The following OR10J1 variants were observed in gnomAD, a reference collection of about 807,000 sequenced individuals.
OR10J1 encodes olfactory receptor 10J1.
For missense variants in OR10J1, 474 were observed against 376.6 expected (o/e 1.26, Z -2.14); for synonymous variants, 202 against 143.8 (o/e 1.40, Z -2.89).
At chr1:159,421,700 T>C in the OR10J1 span, among the ~76,000 whole-genome samples, 5 of 152,110 alleles carry the variant, frequency 3.3e-5, no homozygotes, top group Non-Finnish European at 7.3e-5. Context: ...GCTTATGGTG[T>C]AGTAGTTAGT....
At chr1:159,412,117 A>G in the OR10J1 span, among the ~76,000 whole-genome samples, 15,783 of 151,108 alleles carry the variant, frequency 0.1, 1,057 homozygotes, top group East Asian at 0.22. Flanking sequence ...ATACTTAGGA[A>G]GCCATCTTAC....
the OR10J1 span, among the ~76,000 whole-genome samples, chr1:159,411,572 T>C: frequency 6.6e-6 from 1 of 152,102 alleles, no homozygotes; most frequent in Non-Finnish European, 1.5e-5. Flanking sequence ...TCCATCCTTT[T>C]ATTTTGAGCC....
chr1:159,411,799 G>A, the OR10J1 span, among the ~76,000 whole-genome samples: 11 of 152,092 alleles, frequency 7.2e-5, no homozygotes, highest in Admixed American at 4.6e-4. Context: ...AGCCTCGATG[G>A]TCTTTACATT....
Position 159,440,164 on chromosome 1 carries a change from G to A in OR10J1, c.373G>A (p.Ala125Thr). 1 of 1,614,116 alleles carries A rather than the reference G, an allele frequency of 6.2e-7. No homozygotes were observed. The highest frequency in any genetic ancestry group is 1.1e-5 in the South Asian group (1 of 91,070). Residue 125 changes from alanine (A) to threonine (T), a missense_variant, in exon 1 of 1, where the codon GCC becomes ACC. Physicochemically the swap from Ala to Thr is moderately conservative, Grantham distance 58. Transcript: ENST00000423932. The stretch of plus-strand genomic sequence containing the variant: ...AGCAATGGGATATGACCGCTATGTG[G>A]CCATCTGCAACCCCCTGAGATACAT... Reference protein sequence around the residue: ...LTAMGYDRYVAICNPLRYMVI... With the variant: ...LTAMGYDRYVTICNPLRYMVI...
the OR10J1 span, among the ~76,000 whole-genome samples, chr1:159,411,689 C>T: frequency 0.37 from 56,369 of 151,728 alleles, 11,022 homozygotes; most frequent in African/African-American, 0.5. Context: ...GAGCATTTAG[C>T]CCATTTACAT....
the OR10J1 span, among the ~76,000 whole-genome samples, chr1:159,407,026 G>A: frequency 2.6e-5 from 4 of 152,124 alleles, no homozygotes; most frequent in African/African-American, 9.6e-5. Flanking sequence ...TTTTCCAGTT[G>A]TTACCATAAC....
chr1:159,423,985 G>A, the OR10J1 span, among the ~76,000 whole-genome samples: 60 of 152,262 alleles, frequency 3.9e-4, no homozygotes, highest in African/African-American at 1.3e-3. Flanking sequence ...GGGAGGCTGA[G>A]GCGAGTGGGT....
the OR10J1 span, among the ~76,000 whole-genome samples, chr1:159,422,859 A>T: frequency 3.3e-5 from 5 of 152,290 alleles, no homozygotes; most frequent in South Asian, 6.2e-4. Flanking sequence ...CTTTCCCCAC[A>T]TTAGGGAACC....
the OR10J1 span, among the ~76,000 whole-genome samples, chr1:159,410,088 G>T: frequency 1.3e-5 from 2 of 152,098 alleles, no homozygotes; most frequent in African/African-American, 4.8e-5. Context: ...TGTGTTGCTG[G>T]ATTCATTTTG....
chr1:159,406,716 A>T, the OR10J1 span, among the ~76,000 whole-genome samples: 3 of 152,284 alleles, frequency 2.0e-5, no homozygotes, highest in East Asian at 5.8e-4. Flanking sequence ...CAGGCACTTC[A>T]GCTTCCTCTA....
upstream of OR10J1, chr1:159,437,959 C>A (rs1655786928): frequency 6.6e-6 from 1 of 152,440 alleles, no homozygotes; most frequent in Non-Finnish European, 1.5e-5. Context: ...TCCATTGTGG[C>A]CAAGGGAGCC....
chr1:159,400,483 T>C, the OR10J1 span, among the ~76,000 whole-genome samples: 2 of 151,222 alleles, frequency 1.3e-5, no homozygotes, highest in African/African-American at 2.4e-5. Context: ...ACAAAGAGTG[T>C]CACTATATAA....
At chr1:159,409,089 G>A in the OR10J1 span, among the ~76,000 whole-genome samples, 1 of 152,014 alleles carries the variant, frequency 6.6e-6, no homozygotes, top group Admixed American at 6.6e-5. Flanking sequence ...AGCCTATATT[G>A]CTCTGTGCAC....
the OR10J1 span, among the ~76,000 whole-genome samples, chr1:159,420,511 CA>C: frequency 6.6e-6 from 1 of 151,986 alleles, no homozygotes; most frequent in African/African-American, 2.4e-5. Flanking sequence ...TTTACATTTT[CA>C]TGTATTTTAG....
At chr1:159,432,251 T>G in the OR10J1 span, 2 of 400,792 alleles carry the variant, frequency 5.0e-6, no homozygotes, top group African/African-American at 4.1e-5. Context: ...CATTTGAGGG[T>G]TTCTCCATTT....
chr1:159,419,553 C>G, the OR10J1 span, among the ~76,000 whole-genome samples: 1 of 152,150 alleles, frequency 6.6e-6, no homozygotes, highest in Admixed American at 6.5e-5. Flanking sequence ...TTATAAATTA[C>G]CCAGTCTCAG....
the OR10J1 span, among the ~76,000 whole-genome samples, chr1:159,410,070 C>A: frequency 6.6e-6 from 1 of 152,068 alleles, no homozygotes; most frequent in Non-Finnish European, 1.5e-5. Context: ...GGTGGATAAG[C>A]TTTTTGATGT....
chr1:159,403,915 G>A, the OR10J1 span, among the ~76,000 whole-genome samples: 1 of 152,118 alleles, frequency 6.6e-6, no homozygotes. Context: ...TATACACAAT[G>A]TAGTAATGTT....
chr1:159,433,673 G>T (rs1281634281), upstream of OR10J1, among the ~76,000 whole-genome samples: 8 of 152,118 alleles, frequency 5.3e-5, no homozygotes, highest in Admixed American at 2.6e-4. Flanking sequence ...GCCCCATCCT[G>T]CTTCTCTCAT....
Sources: allele counts gnomAD v4.1 joint callset (sites outside exome capture counted in the v4.1 genomes callset), GRCh38; gene constraint gnomAD v4.1.1; transcripts MANE v1.5; gene names NCBI Gene and HGNC (gene_info 2026-07-23, HGNC 2026-07-21).